The following FAM120A variants were observed in gnomAD, a reference collection of about 807,000 sequenced individuals.
The protein encoded by FAM120A is constitutive coactivator of PPAR-gamma-like protein 1.
A neutral mutation model predicts 109.7 loss-of-function variants in FAM120A; 15 were observed. The ratio of observed to expected loss-of-function variants is 0.14; its 90% CI spans 0.09 to 0.21. The LOEUF is 0.21. Among genes scored for constraint, FAM120A ranks in the 10% least tolerant of loss-of-function variants. The pLI is 1.00. For synonymous variants in FAM120A, 493 were observed against 572.8 expected (o/e 0.86, Z 1.99); for missense variants, 899 against 1,439.3 (o/e 0.62, Z 6.07).
At chr9:93,543,809 C>T (rs28630935) in intron 11 of FAM120A, among the ~76,000 whole-genome samples, 3,427 of 152,068 alleles carry the variant, frequency 0.023, 126 homozygotes, top group African/African-American at 0.077. Context: ...ATTTGGAGTT[C>T]TTCTGTAGGG....
rs1210612102 is a variant in FAM120A, at chr9:93,543,208, T to C, written c.1910-14T>C. 1 of 1,610,600 alleles carries C rather than the reference T, an allele frequency of 6.2e-7. No individual in the cohort carries two copies. Among genetic ancestry groups the C allele is most frequent in the Admixed American group, 1.7e-5 (1 of 59,846 alleles). On this transcript the variant is annotated splice_polypyrimidine_tract_variant and intron_variant, in intron 10 of 17. Transcript: ENST00000277165. ...ATGCATGAATGTGTCTTCTCTGGCT[T>C]TTTTTTCCTGTAGTTTCACCAGTGA...
Position 93,523,320 on chromosome 9 carries a change from A to C in FAM120A, c.1419-3835A>C, listed in dbSNP as rs969875814. On this transcript the variant is annotated intron_variant, in intron 7 of 17. Transcript: ENST00000277165. Reference sequence around the variant, plus strand: ...CTTGCAAAAAAACTTTGTGTTTCACAAAGAGAATTCCATCGTGCTCTGCTC... The same window carrying C: ...CTTGCAAAAAAACTTTGTGTTTCACCAAGAGAATTCCATCGTGCTCTGCTC... The C allele has an allele frequency of 2.3e-6, 3 of 1,289,484 alleles. No individual in the cohort carries two copies. The Admixed American group carries it at 6.9e-5, about 30-fold the overall frequency. The allele number at this position is 1,289,484 out of a possible 1,614,324, so 79.9% of individuals were successfully genotyped here. A position where few individuals can be genotyped will look rare whatever the true frequency, so the allele number is the denominator to read the frequency against.
In FAM120A at chr9:93,558,757, A is replaced by C. The variant is rs200868325; in HGVS notation, c.2806+39A>C. Reference sequence around the variant, plus strand: ...CCCCTTCCCAGAGCTTCTGCCTGCCAGCACTTCCTTCGCTCCATCGTCTGG... The same window carrying C: ...CCCCTTCCCAGAGCTTCTGCCTGCCCGCACTTCCTTCGCTCCATCGTCTGG... On this transcript the variant is annotated intron_variant, in intron 15 of 17. Transcript: ENST00000277165. 1.3e-3 allele frequency: 2,138 copies of C among 1,606,668 alleles called. 4 individuals are homozygous for C. The highest frequency in any genetic ancestry group is 1.8e-3 in the Admixed American group (108 of 59,850).
intron 5 of FAM120A, among the ~76,000 whole-genome samples, chr9:93,514,713 G>T (rs945994915): frequency 1.7e-4 from 26 of 152,186 alleles, no homozygotes; most frequent in African/African-American, 5.8e-4. Context: ...TATCATTTGG[G>T]CCCCAGTCGG....
chr9:93,553,683 T>A (rs1862182826), intron 12 of FAM120A, among the ~76,000 whole-genome samples: 1 of 152,240 alleles, frequency 6.6e-6, no homozygotes, highest in South Asian at 2.1e-4. Context: ...ATATTGCAGC[T>A]ATTTTATAAT....
intron 8 of FAM120A, among the ~76,000 whole-genome samples, chr9:93,528,288 GT>G (rs1183103430): frequency 1.3e-5 from 2 of 152,122 alleles, no homozygotes; most frequent in African/African-American, 4.8e-5. Flanking sequence ...GGCACTTTGT[GT>G]TTTAAAAAAT....
chr9:93,550,289 T>A (rs1024239959), intron 11 of FAM120A, among the ~76,000 whole-genome samples: 1 of 152,240 alleles, frequency 6.6e-6, no homozygotes, highest in African/African-American at 2.4e-5. Context: ...GGTTTAAATG[T>A]TTCACAAGAG....
chr9:93,503,635 T>C (rs977659609), intron 5 of FAM120A, among the ~76,000 whole-genome samples: 4 of 152,106 alleles, frequency 2.6e-5, no homozygotes, highest in Non-Finnish European at 4.4e-5. Context: ...TATGATACTG[T>C]AACGGTGGAT....
At chr9:93,542,000 C>A (rs979100338) in intron 10 of FAM120A, among the ~76,000 whole-genome samples, 9 of 152,160 alleles carry the variant, frequency 5.9e-5, no homozygotes, top group African/African-American at 2.2e-4. Flanking sequence ...GGAGATCAGC[C>A]AGTAATACAT....
chr9:93,497,777 G>A (rs1045530646), intron 4 of FAM120A, among the ~76,000 whole-genome samples, 178 bp downstream of exon 4: 1 of 152,198 alleles, frequency 6.6e-6, no homozygotes, highest in African/African-American at 2.4e-5. Flanking sequence ...GGCTGAGGTA[G>A]CCTGGTCATG....
chr9:93,461,811 A>G (rs1478394733), intron 1 of FAM120A, among the ~76,000 whole-genome samples: 2 of 152,134 alleles, frequency 1.3e-5, no homozygotes, highest in Non-Finnish European at 2.9e-5. Flanking sequence ...TGCTCACTGG[A>G]GCATTTTGGA....
chr9:93,454,579 G>A (rs758457170), intron 1 of FAM120A, among the ~76,000 whole-genome samples: 5 of 152,164 alleles, frequency 3.3e-5, no homozygotes, highest in Non-Finnish European at 4.4e-5. Context: ...TCTGCCAGAG[G>A]CAGGAGCACC....
intron 7 of FAM120A, among the ~76,000 whole-genome samples, chr9:93,521,646 TC>T (rs1473867590): frequency 6.6e-6 from 1 of 152,138 alleles, no homozygotes; most frequent in Non-Finnish European, 1.5e-5. Flanking sequence ...TAATGTCTCC[TC>T]CAGTTCCTTT....
chr9:93,560,957 C>T (rs1233202163), intron 15 of FAM120A, 152 bp from the exon 16 acceptor site: 2 of 788,190 alleles, frequency 2.5e-6, no homozygotes, highest in South Asian at 1.8e-5. Flanking sequence ...CACATAGATA[C>T]ACTACATAAT....
chr9:93,479,925 GA>G (rs1281466047), intron 3 of FAM120A, among the ~76,000 whole-genome samples: 1 of 152,236 alleles, frequency 6.6e-6, no homozygotes, highest in Non-Finnish European at 1.5e-5. Context: ...TGCGGGCTCA[GA>G]AGCACAAGGG....
rs562728634 is a variant in FAM120A, at chr9:93,506,772, A to G, written c.1030+7886A>G. Among the ~76,000 whole-genome samples, 336 of 151,718 alleles carry G rather than the reference A, an allele frequency of 2.2e-3. 2 individuals carry two copies. The highest frequency in any genetic ancestry group is 4.1e-3 in the Non-Finnish European group (277 of 67,922). On this transcript the variant is annotated intron_variant, in intron 5 of 17. Transcript: ENST00000277165. The stretch of plus-strand genomic sequence containing the variant: ...GCCACCATGCCCGGCTAATTTTTGT[A>G]TTTTTAGTAGAGACGGGGTTTCACT...
At chr9:93,489,464 C>G (rs147278474) in intron 3 of FAM120A, among the ~76,000 whole-genome samples, 31 of 152,198 alleles carry the variant, frequency 2.0e-4, no homozygotes, top group Non-Finnish European at 1.5e-4. Context: ...TGTCACTGCA[C>G]GATGGAGCCC....
intron 10 of FAM120A, among the ~76,000 whole-genome samples, chr9:93,542,488 TTGAC>T (rs578257320): frequency 5.3e-5 from 8 of 152,248 alleles, no homozygotes. Flanking sequence ...TAAGAATTGA[TTGAC>T]TAATAGTGAA....
At position 93,491,242 on chromosome 9, in the gene FAM120A, T is replaced by A. The variant is rs564028425; in HGVS notation, c.805-6229T>A. ...ATTGCAGCCTCTTGGAGGTTTTTTT[T>A]AAAAAACAAAACAAAGGTTGTCAAG... On this transcript the variant is annotated intron_variant, in intron 3 of 17. Coordinates refer to ENST00000277165, the MANE Select transcript of FAM120A (RefSeq NM_014612.5). Among the ~76,000 whole-genome samples, 13 of 152,132 alleles carry A rather than the reference T, an allele frequency of 8.5e-5. No individual in the cohort carries two copies. The South Asian group carries it at 2.3e-3, about 27-fold the overall frequency.
Sources: gnomAD v4.1 joint callset for allele counts (sites outside exome capture counted in the v4.1 genomes callset) on GRCh38, gnomAD v4.1.1 for gene constraint, MANE v1.5 for transcripts, NCBI Gene and HGNC (gene_info 2026-07-23, HGNC 2026-07-21) for gene names.